TYW1B: variants seen among roughly 807,000 people sequenced by gnomAD.
The protein encoded by TYW1B is tRNA-yW synthesizing protein 1 homolog B.
In TYW1B, 73 loss-of-function variants were observed where a neutral mutation model predicts 86.9. The ratio of observed to expected loss-of-function variants is 0.84; its 90% CI spans 0.70 to 1.02. The LOEUF (loss-of-function observed/expected upper bound fraction) is 1.02. Ranked by LOEUF, TYW1B falls within the 50% of genes least tolerant of loss-of-function variation. TYW1B has a pLI of 0.00. For synonymous variants in TYW1B, 248 were observed against 292.8 expected, an observed-to-expected ratio of 0.85 and a Z score of 1.56; for missense variants, 637 against 827.4, an observed-to-expected ratio of 0.77 and a Z score of 2.82.
chr7:72,621,819 C>A (rs1280807375), intron 12 of TYW1B, among the ~76,000 whole-genome samples: 1 of 152,240 alleles, frequency 6.6e-6, no homozygotes, highest in Non-Finnish European at 1.5e-5. Context: ...CAGGAGTTTT[C>A]TACTCTGTAA....
At chr7:72,728,376 G>A (rs1157397630) in intron 9 of TYW1B, among the ~76,000 whole-genome samples, 7 of 151,444 alleles carry the variant, frequency 4.6e-5, no homozygotes, top group Admixed American at 1.3e-4. Context: ...GAGAGATCTC[G>A]GCTCACTGCA....
chr7:72,810,490 T>C lies in TYW1B; in HGVS notation c.413A>G (p.Tyr138Cys), dbSNP rs782453388. 8 of 1,613,374 alleles carry C rather than the reference T, an allele frequency of 5.0e-6. No individual in the cohort carries two copies. Among genetic ancestry groups the C allele is most frequent in the Middle Eastern group, 1.6e-4 (1 of 6,074 alleles). Residue 138 changes from tyrosine to cysteine, a missense_variant, in exon 4 of 14, where the codon TAT becomes TGT. Tyr to Cys is a radical substitution (Grantham distance 194). Transcript: ENST00000620995. The part of the protein sequence containing the change: ...DAVFGLGNSA[Y>C]ASHFNKVGKN... ...ACCTACCTTGTTGAAGTGGCTAGCA[T>C]AGGCAGAATTTCCCAGGCCAAATAC...
chr7:72,592,160 TAAAAAAAAAA>T (rs56146824), intron 13 of TYW1B, among the ~76,000 whole-genome samples: 5 of 103,400 alleles, frequency 4.8e-5, no homozygotes, highest in Non-Finnish European at 7.6e-5. Flanking sequence ...ACTAATGTGT[TAAAAAAAAAA>T]AAAAAAAAAA....
chr7:72,666,895 G>C (rs1178081676), intron 11 of TYW1B, among the ~76,000 whole-genome samples: 1 of 151,686 alleles, frequency 6.6e-6, no homozygotes, highest in African/African-American at 2.4e-5. Context: ...AGCCAGGCGT[G>C]GTGGCAGGCG....
rs529628400 is a variant in TYW1B at position 72,798,345 on chromosome 7, C to T, written c.846+4055G>A. Among the ~76,000 whole-genome samples the T allele has an allele frequency of 1.9e-4, 29 of 151,826 alleles. No homozygotes were observed. The East Asian group carries it at 2.1e-3, about 11-fold the overall frequency. On this transcript the variant is annotated intron_variant, in intron 6 of 13. Coordinates refer to ENST00000620995, the MANE Select transcript of TYW1B (RefSeq NM_001145440.3). Reference sequence around the variant, plus strand: ...GGCAGAGCTTGCAGTGAGCCGAGATCGCGCCACTGCACTCCAGCCTGGGCG... The same window carrying T: ...GGCAGAGCTTGCAGTGAGCCGAGATTGCGCCACTGCACTCCAGCCTGGGCG...
chr7:72,767,213 G>C (rs1439280775), intron 7 of TYW1B, among the ~76,000 whole-genome samples: 1 of 152,148 alleles, frequency 6.6e-6, no homozygotes, highest in Non-Finnish European at 1.5e-5. Context: ...GCAACTGCCA[G>C]CCTACCCTCG....
In TYW1B at chr7:72,811,411, A is replaced by G. The variant is rs1425741812; in HGVS notation, c.238-746T>C. 2.6e-5 allele frequency among the ~76,000 whole-genome samples: 4 copies of G among 152,042 alleles called. No individual in the cohort carries two copies. In the Admixed American group the frequency reaches 2.6e-4, roughly 10 times the overall value. On this transcript the variant is annotated intron_variant, in intron 3 of 13. Coordinates refer to ENST00000620995, the MANE Select transcript of TYW1B (RefSeq NM_001145440.3). ...TGAGTTTCAAACCTGAAGAGAAAACAACAGCTCACGTTACTGCTTCCTTAG... is the reference window on the plus strand; with the variant it reads ...TGAGTTTCAAACCTGAAGAGAAAACGACAGCTCACGTTACTGCTTCCTTAG...
intron 2 of TYW1B, among the ~76,000 whole-genome samples, chr7:72,821,192 T>C (rs1357764192): frequency 2.0e-5 from 3 of 152,176 alleles, no homozygotes; most frequent in Non-Finnish European, 4.4e-5. Context: ...CAGGCTAATC[T>C]CAAACTCCTG....
At chr7:72,666,170 T>C (rs1452588076) in intron 11 of TYW1B, among the ~76,000 whole-genome samples, 2 of 152,148 alleles carry the variant, frequency 1.3e-5, no homozygotes, top group East Asian at 1.9e-4. Context: ...TCCCAGTACT[T>C]TGGGAGGTCC....
intron 3 of TYW1B, among the ~76,000 whole-genome samples, chr7:72,814,953 C>T (rs1788693482): frequency 6.6e-6 from 1 of 151,246 alleles, no homozygotes; most frequent in African/African-American, 2.4e-5. Flanking sequence ...CCTGTAAATC[C>T]CAGCTACTTG....
At chr7:72,635,494 A>G (rs1252147644) in intron 11 of TYW1B, among the ~76,000 whole-genome samples, 2 of 152,170 alleles carry the variant, frequency 1.3e-5, no homozygotes, top group African/African-American at 4.8e-5. Flanking sequence ...AATATCCTAC[A>G]ATGCACGGGA....
chr7:72,695,380 G>A (rs190646263), intron 10 of TYW1B, among the ~76,000 whole-genome samples: 1 of 152,218 alleles, frequency 6.6e-6, no homozygotes, highest in Admixed American at 6.5e-5. Flanking sequence ...ATCCATCTGG[G>A]GAACTTTATG....
chr7:72,613,080 G>A (rs1811974671), intron 13 of TYW1B, among the ~76,000 whole-genome samples: 1 of 152,218 alleles, frequency 6.6e-6, no homozygotes, highest in African/African-American at 2.4e-5. Context: ...AGAAAGGGAA[G>A]GGGGGAACTG....
In TYW1B at chr7:72,745,336, T is replaced by C. The variant is rs1313850651; in HGVS notation, c.965-735A>G. ...AACCACTGTGCCCAGCCCTGGAGCA[T>C]ACATATTTGAGACACTGTGGAAGCA... On this transcript the variant is annotated intron_variant, in intron 7 of 13. Transcript: ENST00000620995. Among the ~76,000 whole-genome samples, 32 of 152,130 alleles carry C rather than the reference T, an allele frequency of 2.1e-4. 1 individual carries two copies. The highest frequency in any genetic ancestry group is 7.7e-4 in the African/African-American group (32 of 41,436).
chr7:72,801,328 C>CA (rs1199735486), intron 6 of TYW1B, among the ~76,000 whole-genome samples: 21 of 151,700 alleles, frequency 1.4e-4, no homozygotes, highest in Admixed American at 2.0e-4. Context: ...GACTCCATTT[C>CA]AAAAAAATAA....
intron 11 of TYW1B, among the ~76,000 whole-genome samples, chr7:72,659,839 T>G (rs1180754970): frequency 6.6e-6 from 1 of 152,196 alleles, no homozygotes. Context: ...GAAACAGCAC[T>G]GCATTCAGGA....
intron 11 of TYW1B, among the ~76,000 whole-genome samples, chr7:72,660,094 G>T (rs1433433245): frequency 3.3e-5 from 5 of 152,228 alleles, no homozygotes; most frequent in East Asian, 3.9e-4. Context: ...TGGCGACCAG[G>T]TGTGGCAGCT....
At chr7:72,787,549 G>T (rs1554472688) in intron 6 of TYW1B, among the ~76,000 whole-genome samples, 1 of 151,912 alleles carries the variant, frequency 6.6e-6, no homozygotes, top group Non-Finnish European at 1.5e-5. Context: ...AAGGTCAGTG[G>T]ATCACAAGGT....
intron 7 of TYW1B, among the ~76,000 whole-genome samples, chr7:72,749,183 C>T (rs563483994): frequency 2.6e-5 from 4 of 152,298 alleles, no homozygotes; most frequent in South Asian, 2.1e-4. Flanking sequence ...AGATGTATTT[C>T]ACCTAAGTTG....
Sources: gnomAD v4.1 joint callset for allele counts (sites outside exome capture counted in the v4.1 genomes callset) on GRCh38, gnomAD v4.1.1 for gene constraint, MANE v1.5 for transcripts, NCBI Gene and HGNC (gene_info 2026-07-23, HGNC 2026-07-21) for gene names.